PRR16: variants seen among roughly 807,000 people sequenced by gnomAD.
PRR16 encodes protein Largen.
In PRR16, 6 loss-of-function variants were observed where a neutral mutation model predicts 18.2. That is an observed-to-expected ratio of 0.33 (90% CI 0.18 to 0.65). The LOEUF (loss-of-function observed/expected upper bound fraction) is 0.65, where lower values mean the gene tolerates loss of function less well. PRR16 is among the 30% of genes least tolerant of loss of function. The pLI is 0.74. For missense variants in PRR16, 412 were observed against 376.6 expected (o/e 1.09, Z -0.78); for synonymous variants, 151 against 147.8 (o/e 1.02, Z -0.16).
chr5:120,782,398 G>T, the PRR16 span, among the ~76,000 whole-genome samples: 2 of 152,274 alleles, frequency 1.3e-5, no homozygotes, highest in South Asian at 2.1e-4. Flanking sequence ...CCATCTTGAT[G>T]ATTTTAATTG....
intron 1 of PRR16, among the ~76,000 whole-genome samples, chr5:120,657,800 T>C (rs1756034198): frequency 6.6e-6 from 1 of 151,954 alleles, no homozygotes; most frequent in Non-Finnish European, 1.5e-5. Context: ...TGTGAACGCA[T>C]GTTCCCCCAC....
chr5:120,596,357 A>G (rs1462223270), intron 1 of PRR16, among the ~76,000 whole-genome samples: 2 of 151,692 alleles, frequency 1.3e-5, no homozygotes, highest in Non-Finnish European at 3.0e-5. Context: ...GAGCTGAACA[A>G]TTTCCACAAA....
chr5:120,769,617 G>C, the PRR16 span, among the ~76,000 whole-genome samples: 533 of 151,918 alleles, frequency 3.5e-3, 3 homozygotes, highest in African/African-American at 0.012. Flanking sequence ...TCTGTCAGTA[G>C]ATGTTGAGCT....
chr5:120,658,955 C>T (rs1238484038), intron 1 of PRR16, among the ~76,000 whole-genome samples: 3 of 151,832 alleles, frequency 2.0e-5, no homozygotes, highest in Non-Finnish European at 4.4e-5. Flanking sequence ...TCTTATTCTT[C>T]CCTCTGGTCA....
chr5:120,696,328 A>T, the PRR16 span, among the ~76,000 whole-genome samples: 4 of 151,274 alleles, frequency 2.6e-5, no homozygotes, highest in Non-Finnish European at 4.4e-5. Context: ...ATATAAAAAA[A>T]TTAGTAATTA....
intron 1 of PRR16, among the ~76,000 whole-genome samples, chr5:120,484,708 C>T (rs1180541516): frequency 6.8e-6 from 1 of 148,098 alleles, no homozygotes; most frequent in Non-Finnish European, 1.5e-5. Flanking sequence ...ATGGGATTTT[C>T]AGAGTATATC....
chr5:120,546,946 A>G (rs531836775), intron 1 of PRR16, among the ~76,000 whole-genome samples: 8 of 152,152 alleles, frequency 5.3e-5, no homozygotes, highest in Non-Finnish European at 8.8e-5. Flanking sequence ...ATCGATACTC[A>G]CTCTTAGTTA....
chr5:120,761,173 T>G, the PRR16 span, among the ~76,000 whole-genome samples: 2 of 152,138 alleles, frequency 1.3e-5, no homozygotes, highest in Non-Finnish European at 2.9e-5. Context: ...ATATGTATTT[T>G]AAGCCTATTT....
chr5:120,640,071 A>G (rs537491712), intron 1 of PRR16, among the ~76,000 whole-genome samples: 1 of 152,242 alleles, frequency 6.6e-6, no homozygotes, highest in East Asian at 1.9e-4. Flanking sequence ...GATCTCATTT[A>G]TAAGTGGGAG....
chr5:120,531,387 T>A (rs1034224320), intron 1 of PRR16: 2 of 152,126 alleles, frequency 1.3e-5, no homozygotes, highest in Non-Finnish European at 2.9e-5. Context: ...GCTTGCTGGC[T>A]TCTTCCACAC....
the PRR16 span, among the ~76,000 whole-genome samples, chr5:120,765,588 T>C: frequency 6.6e-6 from 1 of 152,050 alleles, no homozygotes; most frequent in Non-Finnish European, 1.5e-5. Flanking sequence ...CTTTTCTTTT[T>C]CTAAACCTCT....
intron 1 of PRR16, among the ~76,000 whole-genome samples, chr5:120,566,766 C>A (rs896238576): frequency 2.0e-5 from 3 of 152,198 alleles, no homozygotes; most frequent in African/African-American, 7.2e-5. Flanking sequence ...GCTTGTCACT[C>A]TTTCAATGAC....
chr5:120,639,200 TTTTAA>T (rs1250842857), intron 1 of PRR16, among the ~76,000 whole-genome samples: 8 of 152,182 alleles, frequency 5.3e-5, no homozygotes, highest in South Asian at 2.1e-4. Flanking sequence ...CTTATTTTGG[TTTTAA>T]TTTATTTTTA....
At chr5:120,744,906 T>C in the PRR16 span, among the ~76,000 whole-genome samples, 299 of 152,346 alleles carry the variant, frequency 2.0e-3, 1 homozygote, top group African/African-American at 6.9e-3. Context: ...ATTTGAATTG[T>C]ATCTTAATGT....
intron 1 of PRR16, among the ~76,000 whole-genome samples, chr5:120,519,999 T>A (rs1052876981): frequency 6.6e-6 from 1 of 152,186 alleles, no homozygotes; most frequent in Non-Finnish European, 1.5e-5. Context: ...TTATTCTGAA[T>A]CTTCTTTAGA....
At chr5:120,757,609 A>G in the PRR16 span, among the ~76,000 whole-genome samples, 1 of 152,062 alleles carries the variant, frequency 6.6e-6, no homozygotes, top group Non-Finnish European at 1.5e-5. Flanking sequence ...TTTTGTCGTT[A>G]TTATATGATT....
At chr5:120,588,925 A>ATT (rs11378287) in intron 1 of PRR16, among the ~76,000 whole-genome samples, 2 of 151,324 alleles carry the variant, frequency 1.3e-5, no homozygotes, top group African/African-American at 4.9e-5. Context: ...TAACCAATAG[A>ATT]TTTTTTTTTA....
intron 1 of PRR16, among the ~76,000 whole-genome samples, chr5:120,648,799 G>A (rs1474595199): frequency 2.6e-5 from 4 of 152,030 alleles, no homozygotes; most frequent in African/African-American, 7.2e-5. Flanking sequence ...GTATTTGCCC[G>A]TTCTTACAGT....
At chr5:120,656,143 A>C (rs1755967126) in intron 1 of PRR16, among the ~76,000 whole-genome samples, 1 of 151,724 alleles carries the variant, frequency 6.6e-6, no homozygotes, top group African/African-American at 2.4e-5. Flanking sequence ...CCACCTTTTC[A>C]CCAATGACTG....
Sources: gnomAD v4.1 joint callset for allele counts (sites outside exome capture counted in the v4.1 genomes callset) on GRCh38, gnomAD v4.1.1 for gene constraint, MANE v1.5 for transcripts, NCBI Gene and HGNC (gene_info 2026-07-23, HGNC 2026-07-21) for gene names.